Variants in ARHGAP26 observed in about 807,000 individuals in gnomAD.
The protein encoded by ARHGAP26 is rho GTPase-activating protein 26.
A neutral mutation model predicts 104.8 loss-of-function variants in ARHGAP26; 38 were observed. That is an observed-to-expected ratio of 0.36 (90% CI 0.28 to 0.48). ARHGAP26 has a LOEUF of 0.48. Among genes scored for constraint, ARHGAP26 ranks in the 20% least tolerant of loss-of-function variants. ARHGAP26 has a pLI of 0.99. For missense variants in ARHGAP26, 704 were observed against 947.9 expected, an observed-to-expected ratio of 0.74 and a Z score of 3.38; for synonymous variants, 341 against 340.0, an observed-to-expected ratio of 1.00 and a Z score of -0.03.
chr5:143,178,711 G>A (rs1366477343), intron 20 of ARHGAP26, among the ~76,000 whole-genome samples: 3 of 152,300 alleles, frequency 2.0e-5, no homozygotes, highest in Admixed American at 6.5e-5. Context: ...ATTTCCTCAC[G>A]ATTGCCCCAG....
chr5:143,143,390 T>G (rs1292277060), intron 19 of ARHGAP26, among the ~76,000 whole-genome samples: 1 of 152,170 alleles, frequency 6.6e-6, no homozygotes, highest in Non-Finnish European at 1.5e-5. Flanking sequence ...GTGAAGTCGC[T>G]TAGCTCCCAG....
At chr5:142,998,678 C>T (rs762411038) in intron 11 of ARHGAP26, among the ~76,000 whole-genome samples, 5 of 151,982 alleles carry the variant, frequency 3.3e-5, no homozygotes, top group African/African-American at 7.3e-5. Flanking sequence ...GAGCTGTGAT[C>T]GAGCCACTGC....
At chr5:142,771,056 G>T (rs914955986) in intron 1 of ARHGAP26, 141 bp downstream of exon 1, 19 of 1,389,668 alleles carry the variant, frequency 1.4e-5, no homozygotes, top group Non-Finnish European at 1.8e-5. Flanking sequence ...TCCGAGGCAG[G>T]AAGGATACGT....
intron 11 of ARHGAP26, among the ~76,000 whole-genome samples, chr5:142,983,514 T>A (rs115952801): frequency 0.025 from 3,838 of 152,298 alleles, 75 homozygotes; most frequent in Middle Eastern, 0.054. Flanking sequence ...CCTGGTCCTT[T>A]GTTTCTATTG....
intron 17 of ARHGAP26, among the ~76,000 whole-genome samples, chr5:143,107,507 C>T (rs1245958083): frequency 4.6e-5 from 7 of 152,194 alleles, no homozygotes; most frequent in African/African-American, 1.4e-4. Context: ...TCTTCACCCA[C>T]CTTTTCTGTT....
At chr5:143,207,330 G>A in intron 21 of ARHGAP26, 22 bp downstream of exon 21, 3 of 1,614,072 alleles carry the variant, frequency 1.9e-6, no homozygotes, top group Non-Finnish European at 2.5e-6. Context: ...GGTTTGTTTG[G>A]TTTTCTGTTG....
At chr5:143,103,166 TC>T in intron 17 of ARHGAP26, 15 of 884,096 alleles carry the variant, frequency 1.7e-5, no homozygotes, top group Non-Finnish European at 2.0e-5. Flanking sequence ...CTTTACCTGT[TC>T]TTTTGATTTG....
intron 20 of ARHGAP26, chr5:143,166,067 G>A: frequency 7.6e-7 from 1 of 1,323,452 alleles, no homozygotes; most frequent in Non-Finnish European, 1.0e-6. Context: ...TTGTACTGAG[G>A]TGCAGAGTCC....
At chr5:143,037,384 AGTG>A (rs1270661447) in intron 13 of ARHGAP26, 123 bp downstream of exon 13, 2 of 690,816 alleles carry the variant, frequency 2.9e-6, no homozygotes, top group Non-Finnish European at 4.4e-6. Context: ...TGCCATTGTC[AGTG>A]GATTTCCACA....
intron 11 of ARHGAP26, among the ~76,000 whole-genome samples, chr5:143,001,360 T>C (rs1777168594): frequency 6.6e-6 from 1 of 152,234 alleles, no homozygotes. Flanking sequence ...TATTGAACTT[T>C]AGATGATATG....
chr5:143,011,302 G>GT (rs1778695892), intron 11 of ARHGAP26, among the ~76,000 whole-genome samples: 1 of 28,148 alleles, frequency 3.6e-5, no homozygotes, highest in Admixed American at 5.6e-4. Flanking sequence ...ATAAACCCCC[G>GT]CTTTTTTTTT....
chr5:143,134,168 T>C (rs879223254), intron 19 of ARHGAP26, 63 bp downstream of exon 19: 1 of 1,506,966 alleles, frequency 6.6e-7, no homozygotes, highest in South Asian at 1.4e-5. Context: ...CCTGCACGGC[T>C]CAGGGTGGAC....
At position 142,770,637 on chromosome 5, in the gene ARHGAP26, GCCA is replaced by G. The variant is rs1010827157; in HGVS notation, c.-123_-121del. The G allele has an allele frequency of 2.9e-4, 197 of 677,460 alleles. 3 individuals are homozygous for G. In the Admixed American group the frequency reaches 7.5e-3, roughly 26 times the overall value. 42.0% of individuals were successfully genotyped at this position (677,460 alleles called of 1,614,324 possible). On this transcript the variant is annotated 5_prime_UTR_variant, in exon 1 of 23. Coordinates refer to ENST00000645722, the MANE Select transcript of ARHGAP26 (RefSeq NM_001135608.3). ...GACACCGCGCGCGGAGTGAGCCAGCGCCACACCTGTGGAGCCGGCGGCCGTCGG... is the reference window on the plus strand; with the variant it reads ...GACACCGCGCGCGGAGTGAGCCAGCGCACCTGTGGAGCCGGCGGCCGTCGG...
chr5:143,004,480 A>G (rs1490175620), intron 11 of ARHGAP26, among the ~76,000 whole-genome samples: 1 of 152,228 alleles, frequency 6.6e-6, no homozygotes. Flanking sequence ...CAGCGAAATT[A>G]ATCAGCCCAG....
chr5:142,858,900 G>A (rs1752850535), intron 1 of ARHGAP26, among the ~76,000 whole-genome samples: 2 of 152,322 alleles, frequency 1.3e-5, no homozygotes, highest in South Asian at 2.1e-4. Context: ...TGGGGAGACA[G>A]GGGAGTGTTT....
At chr5:142,952,069 G>A (rs42464) in intron 11 of ARHGAP26, among the ~76,000 whole-genome samples, 30,710 of 152,020 alleles carry the variant, frequency 0.2, 3,658 homozygotes, top group East Asian at 0.46. Flanking sequence ...CTTCTCTTTC[G>A]CTGCTCTTCT....
intron 11 of ARHGAP26, among the ~76,000 whole-genome samples, chr5:142,983,068 T>C (rs956111538): frequency 6.6e-6 from 1 of 152,190 alleles, no homozygotes; most frequent in African/African-American, 2.4e-5. Flanking sequence ...CTTTGTTGGC[T>C]GGTGGTGTGG....
chr5:142,909,879 G>T (rs1306433288), intron 9 of ARHGAP26, among the ~76,000 whole-genome samples: 1 of 152,102 alleles, frequency 6.6e-6, no homozygotes, highest in African/African-American at 2.4e-5. Flanking sequence ...GACTTTTAAT[G>T]AAGAACTCTT....
intron 9 of ARHGAP26, among the ~76,000 whole-genome samples, chr5:142,912,857 A>G (rs1399428321): frequency 3.3e-5 from 5 of 152,324 alleles, no homozygotes; most frequent in African/African-American, 9.6e-5. Context: ...ACCCAAGATC[A>G]TAGAAGCTCA....
Sources: gnomAD v4.1 joint callset for allele counts (sites outside exome capture counted in the v4.1 genomes callset) on GRCh38, gnomAD v4.1.1 for gene constraint, MANE v1.5 for transcripts, NCBI Gene and HGNC (gene_info 2026-07-23, HGNC 2026-07-21) for gene names.